Variants in PLXNA4 observed in about 807,000 individuals in gnomAD.
The protein encoded by PLXNA4 is plexin-A4.
A neutral mutation model predicts 191.8 loss-of-function variants in PLXNA4; 44 were observed. The observed-to-expected ratio is 0.23, with a 90% CI of 0.18 to 0.29. The LOEUF (loss-of-function observed/expected upper bound fraction) is 0.29. Ranked by LOEUF, PLXNA4 falls within the 10% of genes least tolerant of loss-of-function variation. The pLI, the probability that PLXNA4 is intolerant of heterozygous loss-of-function variation, is 1.00. For missense variants in PLXNA4, 1,800 were observed against 2,488.8 expected (o/e 0.72, Z 5.89); for synonymous variants, 1,082 against 1,009.5 (o/e 1.07, Z -1.36).
intron 20 of PLXNA4, among the ~76,000 whole-genome samples, chr7:132,178,575 T>C (rs1247663919): frequency 2.6e-5 from 4 of 152,350 alleles, no homozygotes; most frequent in Non-Finnish European, 5.9e-5. Flanking sequence ...TGCTTGGGTA[T>C]GGGTGTGGTC....
intron 2 of PLXNA4, among the ~76,000 whole-genome samples, chr7:132,507,074 T>C (rs1798493632): frequency 6.6e-6 from 1 of 152,154 alleles, no homozygotes; most frequent in Non-Finnish European, 1.5e-5. Context: ...CCTTCTACCA[T>C]ATGGTTTTTA....
At chr7:132,311,193 T>TGTGTGTGTGTGTGTGTGTGTGCGC (rs71178034) in intron 3 of PLXNA4, among the ~76,000 whole-genome samples, 15 of 89,906 alleles carry the variant, frequency 1.7e-4, no homozygotes, top group Non-Finnish European at 2.7e-4. Flanking sequence ...TGTGTGTGTG[T>TGTGTGTGTGTGTGTGTGTGTGCGC]GCGCGTGTGG....
chr7:132,574,703 G>C (rs543729588), intron 1 of PLXNA4, among the ~76,000 whole-genome samples: 7 of 152,278 alleles, frequency 4.6e-5, no homozygotes, highest in Non-Finnish European at 1.0e-4. Flanking sequence ...AGCACACAGC[G>C]GGAATACAAT....
chr7:132,635,239 A>T (rs1456657938), intron 2 of PLXNA4, among the ~76,000 whole-genome samples: 3 of 150,618 alleles, frequency 2.0e-5, no homozygotes, highest in Non-Finnish European at 4.4e-5. Context: ...GAGAACCCTA[A>T]TACAGTCACT....
chr7:132,262,078 C>A (rs1020595244), intron 4 of PLXNA4, among the ~76,000 whole-genome samples: 7 of 152,208 alleles, frequency 4.6e-5, no homozygotes, highest in African/African-American at 1.7e-4. Context: ...ATTGAGAGTA[C>A]ATTTCCCTTC....
intron 5 of PLXNA4, among the ~76,000 whole-genome samples, chr7:132,230,946 G>A (rs1798504497): frequency 1.3e-5 from 2 of 152,192 alleles, no homozygotes; most frequent in African/African-American, 4.8e-5. Context: ...CAGGGGTAGG[G>A]AGGAAGAGGT....
At chr7:132,593,828 C>T (rs942229639) in intron 2 of PLXNA4, among the ~76,000 whole-genome samples, 2 of 152,346 alleles carry the variant, frequency 1.3e-5, no homozygotes, top group Middle Eastern at 3.4e-3. Context: ...AGACCAGGCA[C>T]TCACAAAAAG....
At chr7:132,518,152 C>T (rs546038678) in intron 1 of PLXNA4, among the ~76,000 whole-genome samples, 68 of 152,282 alleles carry the variant, frequency 4.5e-4, no homozygotes, top group African/African-American at 1.5e-3. Flanking sequence ...TGTACTTGGC[C>T]ACCTCACTGC....
intron 25 of PLXNA4, among the ~76,000 whole-genome samples, chr7:132,149,436 G>C (rs1402951455): frequency 1.3e-5 from 2 of 152,160 alleles, no homozygotes; most frequent in African/African-American, 2.4e-5. Context: ...ATCACGTGTA[G>C]GTGGAGAAGT....
chr7:132,373,402 G>C (rs1804523652), intron 3 of PLXNA4, among the ~76,000 whole-genome samples: 1 of 152,140 alleles, frequency 6.6e-6, no homozygotes, highest in African/African-American at 2.4e-5. Context: ...TTCTATGATT[G>C]GTGCCAGGCC....
intron 3 of PLXNA4, among the ~76,000 whole-genome samples, chr7:132,400,715 A>G (rs1793950129): frequency 6.6e-6 from 1 of 152,190 alleles, no homozygotes; most frequent in Non-Finnish European, 1.5e-5. Context: ...GGGTGTGGCC[A>G]CAGCTACTCC....
At chr7:132,343,483 C>A (rs904546603) in intron 3 of PLXNA4, among the ~76,000 whole-genome samples, 1 of 152,216 alleles carries the variant, frequency 6.6e-6, no homozygotes, top group African/African-American at 2.4e-5. Context: ...ATTTCATAAT[C>A]AGTGTTGCAC....
intron 3 of PLXNA4, among the ~76,000 whole-genome samples, chr7:132,390,966 A>T (rs1053584685): frequency 6.6e-6 from 1 of 152,224 alleles, no homozygotes; most frequent in African/African-American, 2.4e-5. Flanking sequence ...ATGGGAAGGA[A>T]CGCAGAGGGC....
intron 1 of PLXNA4, among the ~76,000 whole-genome samples, chr7:132,511,329 T>C (rs1798706632): frequency 6.6e-6 from 1 of 152,200 alleles, no homozygotes; most frequent in Non-Finnish European, 1.5e-5. Flanking sequence ...GCAAGGACAC[T>C]GGTTAAGATG....
At chr7:132,143,515 C>G (rs981272505) in intron 29 of PLXNA4, among the ~76,000 whole-genome samples, 1 of 152,200 alleles carries the variant, frequency 6.6e-6, no homozygotes, top group African/African-American at 2.4e-5. Flanking sequence ...CTTTCTCCAG[C>G]TAGGACCGAG....
chr7:132,555,911 A>C (rs1400622407), intron 1 of PLXNA4, among the ~76,000 whole-genome samples: 1 of 152,248 alleles, frequency 6.6e-6, no homozygotes. Context: ...GCAGGAAATT[A>C]AGCAGTGTCG....
At chr7:132,173,720 C>T (rs1796363341) in intron 21 of PLXNA4, among the ~76,000 whole-genome samples, 1 of 152,220 alleles carries the variant, frequency 6.6e-6, no homozygotes, top group Admixed American at 6.5e-5. Context: ...CCACACAGCT[C>T]CCGAGTGATG....
chr7:132,430,808 A>G (rs1044749596), intron 3 of PLXNA4, among the ~76,000 whole-genome samples: 2 of 152,202 alleles, frequency 1.3e-5, no homozygotes, highest in Admixed American at 1.3e-4. Flanking sequence ...CAATGAGATT[A>G]GGAAAGTGAA....
At chr7:132,334,324 C>T (rs1248465064) in intron 3 of PLXNA4, among the ~76,000 whole-genome samples, 2 of 140,752 alleles carry the variant, frequency 1.4e-5, no homozygotes, top group African/African-American at 2.7e-5. Flanking sequence ...GTGGCCCAGT[C>T]GCAGCTCACT....
Sources: allele counts gnomAD v4.1 joint callset (sites outside exome capture counted in the v4.1 genomes callset), GRCh38; gene constraint gnomAD v4.1.1; transcripts MANE v1.5; gene names NCBI Gene and HGNC (gene_info 2026-07-23, HGNC 2026-07-21).